The following DPYSL5 variants were observed in gnomAD, a reference collection of about 807,000 sequenced individuals.
DPYSL5 encodes the protein dihydropyrimidinase like 5, also known as dihydropyrimidinase-related protein 5.
Under a neutral mutation model 58.4 loss-of-function variants are expected in DPYSL5, and 9 were observed. The observed-to-expected ratio is 0.15, with a 90% CI of 0.09 to 0.27. The LOEUF (loss-of-function observed/expected upper bound fraction) is 0.27, where lower values mean the gene tolerates loss of function less well. DPYSL5 is among the 10% of genes least tolerant of loss of function. The pLI is 1.00. For synonymous variants in DPYSL5, 293 were observed against 301.9 expected, an observed-to-expected ratio of 0.97 and a Z score of 0.31; for missense variants, 499 against 770.6, an observed-to-expected ratio of 0.65 and a Z score of 4.17.
Position 26,848,236 on chromosome 2 carries a change from GC to G in DPYSL5, c.-21del, listed in dbSNP as rs1429121630. 2.0e-5 allele frequency: 3 copies of G among 152,168 alleles called. No individual in the cohort carries two copies. The highest frequency in any genetic ancestry group is 7.2e-5 in the African/African-American group (3 of 41,438). 9.4% of individuals were successfully genotyped at this position (152,168 alleles called of 1,614,324 possible). On this transcript the variant is annotated 5_prime_UTR_variant, in exon 1 of 13. Coordinates refer to ENST00000288699, the MANE Select transcript of DPYSL5 (RefSeq NM_020134.4). Reference sequence around the variant, plus strand: ...ACGGACCGAGCCACGGGCCCCCGCGGCCGCAGCATCTCGGAGGAGTGGGTGA... The same window carrying G: ...ACGGACCGAGCCACGGGCCCCCGCGGCGCAGCATCTCGGAGGAGTGGGTGA...
intron 8 of DPYSL5, chr2:26,939,443 C>G (rs1665262476): frequency 1.3e-5 from 2 of 152,874 alleles, no homozygotes; most frequent in Non-Finnish European, 2.9e-5. Context: ...CCGAGGACAG[C>G]CTTAATATAT....
chr2:26,907,696 C>T (rs1362530811), intron 2 of DPYSL5, among the ~76,000 whole-genome samples: 1 of 152,196 alleles, frequency 6.6e-6, no homozygotes, highest in Non-Finnish European at 1.5e-5. Flanking sequence ...AGAGCCCCTC[C>T]TTCAAGGCGA....
intron 2 of DPYSL5, among the ~76,000 whole-genome samples, chr2:26,906,283 A>C (rs372428703): frequency 3.3e-5 from 5 of 151,142 alleles, no homozygotes; most frequent in East Asian, 3.9e-4. Context: ...TCCCAGGTTC[A>C]AGAGATTCTC....
chr2:26,895,713 C>A (rs182782836), intron 1 of DPYSL5, among the ~76,000 whole-genome samples: 1 of 151,470 alleles, frequency 6.6e-6, no homozygotes, highest in African/African-American at 2.4e-5. Flanking sequence ...ATTTCCCCAA[C>A]TCCCCTTTAC....
chr2:26,923,510 T>G (rs1250685627), intron 2 of DPYSL5, among the ~76,000 whole-genome samples: 1 of 152,124 alleles, frequency 6.6e-6, no homozygotes, highest in Non-Finnish European at 1.5e-5. Flanking sequence ...TGGCAGAGGT[T>G]ATTCCAACCA....
intron 12 of DPYSL5, among the ~76,000 whole-genome samples, chr2:26,945,597 C>T (rs1026866297): frequency 5.9e-5 from 9 of 151,568 alleles, no homozygotes; most frequent in Non-Finnish European, 1.3e-4. Context: ...TAAGATGCCT[C>T]GGGCCTCCAG....
intron 11 of DPYSL5, among the ~76,000 whole-genome samples, chr2:26,943,914 G>C (rs1211377756): frequency 6.6e-6 from 1 of 152,254 alleles, no homozygotes; most frequent in African/African-American, 2.4e-5. Flanking sequence ...TGTTCCCTCA[G>C]AGTTGTCAGA....
At chr2:26,871,145 T>A (rs900530659) in intron 1 of DPYSL5, among the ~76,000 whole-genome samples, 13 of 151,768 alleles carry the variant, frequency 8.6e-5, no homozygotes. Flanking sequence ...GAGATTACTT[T>A]AAAAAAAATG....
intron 1 of DPYSL5, among the ~76,000 whole-genome samples, chr2:26,891,896 C>G (rs1421646728): frequency 6.6e-6 from 1 of 152,118 alleles, no homozygotes; most frequent in East Asian, 1.9e-4. Flanking sequence ...TGGTCTCGAA[C>G]TCCTGACCTC....
intron 2 of DPYSL5, among the ~76,000 whole-genome samples, chr2:26,903,494 T>G (rs1409318579): frequency 6.6e-6 from 1 of 152,156 alleles, no homozygotes; most frequent in African/African-American, 2.4e-5. Flanking sequence ...CAGTGTCCAG[T>G]CCCCAGCCCA....
At chr2:26,848,498 G>T (rs1383793895) in intron 1 of DPYSL5, 1 of 152,462 alleles carries the variant, frequency 6.6e-6, no homozygotes. Context: ...CTTGCTCATA[G>T]TAAGCGTTTA....
intron 1 of DPYSL5, among the ~76,000 whole-genome samples, chr2:26,885,607 A>G (rs2148127527): frequency 6.6e-6 from 1 of 152,288 alleles, no homozygotes; most frequent in African/African-American, 2.4e-5. Flanking sequence ...CCAATTTGGT[A>G]TGGAAATATG....
chr2:26,883,966 T>C (rs889757909), intron 1 of DPYSL5, among the ~76,000 whole-genome samples: 2 of 152,192 alleles, frequency 1.3e-5, no homozygotes, highest in African/African-American at 4.8e-5. Context: ...CCCCGTTTCC[T>C]GGCAGTGGGT....
chr2:26,917,849 G>A (rs564516841), intron 2 of DPYSL5, among the ~76,000 whole-genome samples: 3 of 152,150 alleles, frequency 2.0e-5, no homozygotes, highest in South Asian at 4.1e-4. Context: ...AAACAAGCAC[G>A]GAATGGCCAG....
intron 1 of DPYSL5, among the ~76,000 whole-genome samples, chr2:26,881,768 C>A (rs185121914): frequency 6.6e-6 from 1 of 152,074 alleles, no homozygotes; most frequent in Admixed American, 6.5e-5. Context: ...TGCCTTGTAC[C>A]CTTTTGAAAT....
chr2:26,932,207 G>GA (rs111866761), intron 6 of DPYSL5, among the ~76,000 whole-genome samples: 3 of 35,886 alleles, frequency 8.4e-5, no homozygotes, highest in Admixed American at 4.9e-4. Context: ...AAGAAAGAAA[G>GA]AAAAGAAAGA....
Position 26,864,996 on chromosome 2 carries a change from C to T in DPYSL5, c.-5+16742C>T, listed in dbSNP as rs181653812. On this transcript the variant is annotated intron_variant, in intron 1 of 12. Coordinates refer to ENST00000288699, the MANE Select transcript of DPYSL5 (RefSeq NM_020134.4). ...ATCCGTTCACAGACCCCCTCGTTGC[C>T]CTGAGCCTCCAGACCACCCTCAGCA... 3.0e-3 allele frequency among the ~76,000 whole-genome samples: 461 copies of T among 152,232 alleles called. 3 individuals are homozygous for T. Among genetic ancestry groups the T allele is most frequent in the Non-Finnish European group, 5.5e-3 (371 of 68,018 alleles).
chr2:26,939,807 C>T (rs1181962010), intron 8 of DPYSL5: 5 of 540,692 alleles, frequency 9.2e-6, no homozygotes, highest in Non-Finnish European at 1.6e-5. Context: ...ACTGAAGTCT[C>T]CTGTGACACA....
intron 11 of DPYSL5, among the ~76,000 whole-genome samples, chr2:26,943,462 C>G (rs905024626): frequency 6.6e-6 from 1 of 152,164 alleles, no homozygotes; most frequent in African/African-American, 2.4e-5. Flanking sequence ...GGGGTTTAAC[C>G]GTGTTGCTCG....
Sources: allele counts gnomAD v4.1 joint callset (sites outside exome capture counted in the v4.1 genomes callset), GRCh38; gene constraint gnomAD v4.1.1; transcripts MANE v1.5; gene names NCBI Gene and HGNC (gene_info 2026-07-23, HGNC 2026-07-21).